GSE1: variants seen among roughly 807,000 people sequenced by gnomAD.
GSE1 encodes the protein genetic suppressor element 1.
In GSE1, 32 loss-of-function variants were observed where a neutral mutation model predicts 112.6. The ratio of observed to expected loss-of-function variants is 0.28; its 90% CI spans 0.21 to 0.38. GSE1 has a LOEUF of 0.38. GSE1 is among the 10% of genes least tolerant of loss of function. The pLI is 1.00. For missense variants in GSE1, 2,348 were observed against 1,699.2 expected, an observed-to-expected ratio of 1.38 and a Z score of -6.71; for synonymous variants, 1,115 against 735.6, an observed-to-expected ratio of 1.52 and a Z score of -8.35.
At chr16:85,409,297 T>C (rs1423867606) in intron 2 of GSE1, among the ~76,000 whole-genome samples, 1 of 48,060 alleles carries the variant, frequency 2.1e-5, no homozygotes, top group East Asian at 9.8e-4. Flanking sequence ...TCCTCACTGT[T>C]ACACTCAGGG....
chr16:85,600,069 G>A (rs774671582), intron 1 of GSE1, among the ~76,000 whole-genome samples: 6 of 152,216 alleles, frequency 3.9e-5, no homozygotes, highest in Admixed American at 2.0e-4. Flanking sequence ...CTCCGAGGGC[G>A]GCTGCGGGTA....
At chr16:85,567,475 C>G (rs2045806866) in intron 1 of GSE1, among the ~76,000 whole-genome samples, 1 of 152,182 alleles carries the variant, frequency 6.6e-6, no homozygotes. Flanking sequence ...TTGGTGCTGG[C>G]TGTTCGCCAG....
At chr16:85,390,108 T>C (rs1395952873) in intron 2 of GSE1, among the ~76,000 whole-genome samples, 1 of 152,248 alleles carries the variant, frequency 6.6e-6, no homozygotes, top group African/African-American at 2.4e-5. Context: ...TATAAAATTA[T>C]TTATTTGTAG....
intron 2 of GSE1, among the ~76,000 whole-genome samples, chr16:85,458,632 C>T (rs1193116907): frequency 6.6e-6 from 1 of 152,216 alleles, no homozygotes; most frequent in African/African-American, 2.4e-5. Context: ...TATCACACCA[C>T]AGCAGCAGTT....
intron 1 of GSE1, among the ~76,000 whole-genome samples, chr16:85,290,500 G>A (rs376448224): frequency 6.6e-6 from 1 of 152,094 alleles, no homozygotes; most frequent in African/African-American, 2.4e-5. Flanking sequence ...TCACTTGCTT[G>A]GCCTTCTGTG....
intron 2 of GSE1, among the ~76,000 whole-genome samples, chr16:85,481,963 C>CT (rs2050694158): frequency 6.6e-6 from 1 of 152,234 alleles, no homozygotes; most frequent in South Asian, 2.1e-4. Context: ...CCTCAAGGCC[C>CT]TGGGGGCAGG....
intron 2 of GSE1, among the ~76,000 whole-genome samples, chr16:85,498,181 G>T (rs1167734508): frequency 6.6e-6 from 1 of 152,136 alleles, no homozygotes; most frequent in African/African-American, 2.4e-5. Context: ...TCTGCAGGCT[G>T]CGATTCCTCT....
chr16:85,357,652 C>T, intron 2 of GSE1: 1 of 1,287,674 alleles, frequency 7.8e-7, no homozygotes. Context: ...AGGTAGACGC[C>T]AGCTCTTTTT....
intron 1 of GSE1, among the ~76,000 whole-genome samples, chr16:85,216,399 T>C (rs1597820553): frequency 6.6e-6 from 1 of 152,224 alleles, no homozygotes; most frequent in East Asian, 1.9e-4. Flanking sequence ...ACCCTGTCTC[T>C]AACAACAAAA....
At chr16:85,649,513 G>C (rs115285535) in intron 3 of GSE1, among the ~76,000 whole-genome samples, 2,026 of 152,318 alleles carry the variant, frequency 0.013, 44 homozygotes, top group African/African-American at 0.046. Flanking sequence ...CCTTATGTCT[G>C]TGGGCCCCTC....
intron 14 of GSE1, among the ~76,000 whole-genome samples, 200 bp downstream of exon 14, chr16:85,668,624 C>T (rs1364021537): frequency 6.6e-6 from 1 of 152,170 alleles, no homozygotes; most frequent in Non-Finnish European, 1.5e-5. Flanking sequence ...GCCAGTCTTG[C>T]TAGGGCATCC....
rs534188810 is a variant in GSE1, at chr16:85,403,540, A to T, written c.2464+45897A>T. ...CACAGTGGCTCACACCTGAAATCCCAGCACTTTGGGAGGCTGAGGTGGGAG... is the reference window on the plus strand; with the variant it reads ...CACAGTGGCTCACACCTGAAATCCCTGCACTTTGGGAGGCTGAGGTGGGAG... On this transcript the variant is annotated intron_variant, in intron 2 of 2. Coordinates refer to the GSE1 transcript ENST00000637419. Among the ~76,000 whole-genome samples the T allele has an allele frequency of 2.6e-5, 4 of 152,300 alleles. No homozygotes were observed. The South Asian group carries it at 8.3e-4, about 32-fold the overall frequency.
At chr16:85,520,755 A>G (rs1273719049) in intron 2 of GSE1, among the ~76,000 whole-genome samples, 1 of 152,120 alleles carries the variant, frequency 6.6e-6, no homozygotes, top group African/African-American at 2.4e-5. Context: ...ACCTTTCAGA[A>G]GCCAAGACTA....
intron 1 of GSE1, among the ~76,000 whole-genome samples, chr16:85,624,429 C>T (rs1456166535): frequency 1.3e-5 from 2 of 152,178 alleles, no homozygotes; most frequent in African/African-American, 2.4e-5. Flanking sequence ...CTGGGGGAGG[C>T]CTCGAGTCCA....
At chr16:85,571,117 G>C (rs1362932172) in intron 1 of GSE1, among the ~76,000 whole-genome samples, 5 of 152,216 alleles carry the variant, frequency 3.3e-5, no homozygotes, top group Non-Finnish European at 7.3e-5. Context: ...GGGAGGTTCG[G>C]ATTCAGCGGG....
intron 1 of GSE1, among the ~76,000 whole-genome samples, chr16:85,188,334 C>CT (rs1361826004): frequency 3.3e-5 from 5 of 152,244 alleles, no homozygotes; most frequent in African/African-American, 1.2e-4. Context: ...GTGTCACAGG[C>CT]TGTAGTACAT....
At chr16:85,248,187 C>T (rs1055180619) in intron 1 of GSE1, among the ~76,000 whole-genome samples, 9 of 152,160 alleles carry the variant, frequency 5.9e-5, no homozygotes, top group African/African-American at 1.7e-4. Context: ...CTTGGGACCC[C>T]CAGATCCCTG....
intron 1 of GSE1, among the ~76,000 whole-genome samples, chr16:85,277,766 T>C (rs1597265580): frequency 6.6e-6 from 1 of 152,350 alleles, no homozygotes; most frequent in East Asian, 1.9e-4. Flanking sequence ...TGCTTCTCCG[T>C]TGCCCCTGCC....
chr16:85,251,713 C>T (rs1297154416), intron 1 of GSE1, among the ~76,000 whole-genome samples: 5 of 152,224 alleles, frequency 3.3e-5, no homozygotes, highest in Admixed American at 3.3e-4. Context: ...GTACAGGACC[C>T]GCTTTTCTAA....
Sources: gnomAD v4.1 joint callset for allele counts (sites outside exome capture counted in the v4.1 genomes callset) on GRCh38, gnomAD v4.1.1 for gene constraint, MANE v1.5 for transcripts, NCBI Gene and HGNC (gene_info 2026-07-23, HGNC 2026-07-21) for gene names.